PTGIR: variants seen among roughly 807,000 people sequenced by gnomAD.
PTGIR encodes prostaglandin I2 receptor.
A neutral mutation model predicts 17.6 loss-of-function variants in PTGIR; 16 were observed. The observed-to-expected ratio is 0.91, with a 90% CI of 0.61 to 1.38. PTGIR has a LOEUF of 1.38. PTGIR is among the 40% of genes most tolerant of loss of function. The probability of loss-of-function intolerance (pLI) is 0.00; values close to 1 mark genes in which losing one functional copy is unlikely to be tolerated. For missense variants in PTGIR, 532 were observed against 548.6 expected, an observed-to-expected ratio of 0.97 and a Z score of 0.30; for synonymous variants, 274 against 255.4, an observed-to-expected ratio of 1.07 and a Z score of -0.69.
At position 46,620,569 on chromosome 19, in the gene PTGIR, C is replaced by G. The variant is rs1972044135; in HGVS notation, c.*711G>C. ...AGTCCCTGGGATCCGCAGCCCCCAC[C>G]CTTCATCTGCCAGCTTCTCCATCTG... On this transcript the variant is annotated 3_prime_UTR_variant, in exon 3 of 3. Transcript: ENST00000291294. 9 of 985,470 alleles carry G rather than the reference C, an allele frequency of 9.1e-6. No individual in the cohort carries two copies. The South Asian group carries it at 3.8e-4, about 41-fold the overall frequency. The allele number at this position is 985,470 out of a possible 1,614,324, so 61.0% of individuals were successfully genotyped here.
chr19:46,615,711 T>A (rs181669698), downstream of PTGIR, among the ~76,000 whole-genome samples: 2 of 151,862 alleles, frequency 1.3e-5, no homozygotes, highest in African/African-American at 4.8e-5. Flanking sequence ...TTTCACTGTG[T>A]TAGCCAGGAT....
rs1229559754 is a variant in PTGIR, at chr19:46,621,050, G to A, written c.*230C>T. ...CCAGAGCAGGTCGGCCAGGCCACTG[G>A]TTATTTTGAGAGAACCATTCTTTCT... On this transcript the variant is annotated 3_prime_UTR_variant, in exon 3 of 3. Transcript: ENST00000291294. The surrounding 1 kb of genome is among the most constrained non-coding windows in gnomAD (Gnocchi z 4.8). 8.1e-7 allele frequency: 1 copy of A among 1,233,164 alleles called. No homozygotes were observed. The highest frequency in any genetic ancestry group is 3.9e-5 in the Admixed American group (1 of 25,360). 76.4% of individuals were successfully genotyped at this position (1,233,164 alleles called of 1,614,324 possible).
At position 46,624,255 on chromosome 19, in the gene PTGIR, TG is replaced by T. The variant is rs552005985; in HGVS notation, c.-12-19del. 8 of 1,417,498 alleles carry T rather than the reference TG, an allele frequency of 5.6e-6. No homozygotes were observed. The African/African-American group carries it at 6.0e-5, about 11-fold the overall frequency. 87.8% of individuals were successfully genotyped at this position (1,417,498 alleles called of 1,614,324 possible). A position where few individuals can be genotyped will look rare whatever the true frequency, so the allele number is the denominator to read the frequency against. ...GGTCTGGGCTGGAGGGTTCCCAAGGTGGGGGGTCAGAGGGAGCCAGGGCTAC... is the reference window on the plus strand; with the variant it reads ...GGTCTGGGCTGGAGGGTTCCCAAGGTGGGGGTCAGAGGGAGCCAGGGCTAC... On this transcript the variant is annotated intron_variant, in intron 1 of 2. Coordinates refer to ENST00000291294, the MANE Select transcript of PTGIR (RefSeq NM_000960.4).
the PTGIR span, among the ~76,000 whole-genome samples, chr19:46,612,715 A>G: frequency 6.6e-6 from 1 of 152,130 alleles, no homozygotes; most frequent in Admixed American, 6.6e-5. Context: ...CTGGCGTCCC[A>G]GTGGTGGGGT....
chr19:46,618,116 A>G (rs9710345), downstream of PTGIR, among the ~76,000 whole-genome samples: 23,018 of 146,542 alleles, frequency 0.16, 2,098 homozygotes, highest in African/African-American at 0.25. Context: ...CCGGGTTCAC[A>G]CCATTCTCCT....
At position 46,623,768 on chromosome 19, in the gene PTGIR, A is replaced by T; in HGVS notation, c.458T>A (p.Leu153Gln). 4 of 1,603,748 alleles carry T rather than the reference A, an allele frequency of 2.5e-6. No individual in the cohort carries two copies. The highest frequency in any genetic ancestry group is 3.4e-6 in the Non-Finnish European group (4 of 1,177,448). ...IYAFCVLFCA[L>Q]PLLGLGQHQQ... ...GTGTTGGCCCAGGCCCAGCAGGGGC[A>T]GCGCGCAGAAGAGGACGCAGAAGGC... The change falls in exon 2 of 3, where the codon CTG (leucine) becomes CAG (glutamine). Residue 153 changes from leucine to glutamine, a missense_variant. By Grantham distance (113) the Leu-to-Gln change is moderately radical. Coordinates refer to ENST00000291294, the MANE Select transcript of PTGIR (RefSeq NM_000960.4).
Position 46,624,147 on chromosome 19 carries a change from C to G in PTGIR, c.79G>C (p.Gly27Arg), listed in dbSNP as rs75149836. ...AGGGCCAGCCCGTTGCCCACCACAC[C>G]GGCCACGAACATCAGGGTGCTGGTG... ...PATSTLMFVA[G>R]VVGNGLALGI... Residue 27 changes from glycine (G) to arginine (R), a missense_variant, in exon 2 of 3, where the codon GGT (glycine) becomes CGT (arginine). Coordinates refer to ENST00000291294, the MANE Select transcript of PTGIR (RefSeq NM_000960.4). 1 of 1,526,178 alleles carries G rather than the reference C, an allele frequency of 6.6e-7. No individual in the cohort carries two copies. Among genetic ancestry groups the G allele is most frequent in the African/African-American group, 1.4e-5 (1 of 72,036 alleles). 94.5% of individuals were successfully genotyped at this position (1,526,178 alleles called of 1,614,324 possible).
downstream of PTGIR, among the ~76,000 whole-genome samples, chr19:46,616,326 C>CTTTTTTTTTTTTTTTTTTT (rs1021116711): frequency 5.7e-4 from 38 of 66,546 alleles, 7 homozygotes; most frequent in African/African-American, 2.7e-3. Flanking sequence ...GACAGAAATG[C>CTTTTTTTTTTTTTTTTTTT]TTTTTTTTTT....
At chr19:46,615,815 T>C (rs1971954257), downstream of PTGIR, among the ~76,000 whole-genome samples, 1 of 146,086 alleles carries the variant, frequency 6.8e-6, no homozygotes. Context: ...CAAAACATTT[T>C]TTTTTAGACA....
downstream of PTGIR, among the ~76,000 whole-genome samples, chr19:46,619,578 AG>A (rs1326368937): frequency 4.8e-3 from 529 of 110,550 alleles, 6 homozygotes; most frequent in East Asian, 0.027. Context: ...AGAGAGAGAG[AG>A]AGAGAAAGAA....
chr19:46,624,386 T>C, intron 1 of PTGIR, 149 bp from the exon 2 acceptor site: 1 of 586,708 alleles, frequency 1.7e-6, no homozygotes. Context: ...TATGCAGTCC[T>C]CTCCCCTCTG....
chr19:46,623,593 G>A lies in PTGIR; in HGVS notation c.633C>T (p.Cys211=). ...GGCGCTTCTGCTGGCGGTACATGCG[G>A]CAGAGGCTGAGGGTGACCGAGCCGT... The part of the protein sequence containing the change: ...LCNGSVTLSL[C]RMYRQQKRHQ... Residue 211 remains cysteine (C), a synonymous_variant, in exon 2 of 3, where the codon TGC becomes TGT. Coordinates refer to ENST00000291294, the MANE Select transcript of PTGIR (RefSeq NM_000960.4). 3.2e-6 allele frequency: 5 copies of A among 1,550,340 alleles called. No homozygotes were observed. The South Asian group carries it at 3.6e-5, about 11-fold the overall frequency.
In PTGIR at chr19:46,621,774, C is replaced by A; in HGVS notation, c.769-102G>T. 1 of 1,480,160 alleles carries A rather than the reference C, an allele frequency of 6.8e-7. No individual in the cohort carries two copies. Among genetic ancestry groups the A allele is most frequent in the Non-Finnish European group, 9.0e-7 (1 of 1,114,770 alleles). 91.7% of individuals were successfully genotyped at this position (1,480,160 alleles called of 1,614,324 possible). Reference sequence around the variant, plus strand: ...CTTACCAGGGATGAGGTAGGGGTGACATGTCAGAGGGGAAGGAGATAAGAT... The same window carrying A: ...CTTACCAGGGATGAGGTAGGGGTGAAATGTCAGAGGGGAAGGAGATAAGAT... On this transcript the variant is annotated intron_variant, in intron 2 of 2. Transcript: ENST00000291294. This position sits in a 1 kb window ranked among gnomAD's most constrained non-coding sequence, Gnocchi z 4.8.
At chr19:46,624,387 C>G (rs2052777934) in intron 1 of PTGIR, 150 bp from the exon 2 acceptor site, 3 of 583,156 alleles carry the variant, frequency 5.1e-6, no homozygotes, top group Non-Finnish European at 8.4e-6. Context: ...ATGCAGTCCT[C>G]TCCCCTCTGG....
At chr19:46,611,878 T>C in the PTGIR span, among the ~76,000 whole-genome samples, 2 of 152,098 alleles carry the variant, frequency 1.3e-5, no homozygotes, top group Admixed American at 6.5e-5. Flanking sequence ...TGGGCAAGGG[T>C]GGAGCAGAGA....
downstream of PTGIR, among the ~76,000 whole-genome samples, chr19:46,617,365 G>A (rs1971977629): frequency 6.6e-6 from 1 of 152,192 alleles, no homozygotes; most frequent in Non-Finnish European, 1.5e-5. Context: ...GGGGCAAAGG[G>A]TGGATGGGGG....
chr19:46,623,682 C>T lies in PTGIR; in HGVS notation c.544G>A (p.Ala182Thr), dbSNP rs754573913. 6 of 1,547,912 alleles carry T rather than the reference C, an allele frequency of 3.9e-6. No homozygotes were observed. The highest frequency in any genetic ancestry group is 2.4e-5 in the South Asian group (2 of 84,574). Residue 182 changes from alanine (A) to threonine (T), a missense_variant, in exon 2 of 3, where the codon GCC becomes ACC. Physicochemically the swap from Ala to Thr is moderately conservative, Grantham distance 58. Transcript: ENST00000291294. ...CCGGCGTAGGCCAGCGAGAAGGCGG[C>T]GCCGCCCGGCTGGGCCCAGCGCATG... ...LRMRWAQPGG[A>T]AFSLAYAGLV...
At position 46,621,621 on chromosome 19, in the gene PTGIR, C is replaced by A. The variant is rs201057027; in HGVS notation, c.820G>T (p.Asp274Tyr). The A allele has an allele frequency of 6.2e-7, 1 of 1,613,470 alleles. No individual in the cohort carries two copies. Among genetic ancestry groups the A allele is most frequent in the African/African-American group, 1.3e-5 (1 of 75,044 alleles). ...GCGTAGAAGCGGAAGGCAAGGAGGTCCCCCATCTCACTGCTGCTGTCAGGG... is the reference window on the plus strand; with the variant it reads ...GCGTAGAAGCGGAAGGCAAGGAGGTACCCCATCTCACTGCTGCTGTCAGGG... Reference protein sequence around the residue: ...VAPDSSSEMGDLLAFRFYAFN... With the variant: ...VAPDSSSEMGYLLAFRFYAFN... Residue 274 changes from aspartate (D) to tyrosine (Y), a missense_variant, in exon 3 of 3, where the codon GAC becomes TAC. Physicochemically the swap from Asp to Tyr is radical, Grantham distance 160 (BLOSUM62 -3). Transcript: ENST00000291294. The surrounding 1 kb of genome is among the most constrained non-coding windows in gnomAD (Gnocchi z 4.8).
chr19:46,620,806 ACTGTG>A lies in PTGIR; in HGVS notation c.*469_*473del. On this transcript the variant is annotated 3_prime_UTR_variant, in exon 3 of 3. Coordinates refer to ENST00000291294, the MANE Select transcript of PTGIR (RefSeq NM_000960.4). ...GGGAAGGCAGGGAGCTTTTCCAATA[ACTGTG>A]GTTTTTGTGGAGCAGAAAGGGGCTG... is the stretch of plus-strand genomic sequence containing the variant. 1 of 986,406 alleles carries A rather than the reference ACTGTG, an allele frequency of 1.0e-6. No homozygotes were observed. The highest frequency in any genetic ancestry group is 1.7e-5 in the African/African-American group (1 of 57,318). 61.1% of individuals were successfully genotyped at this position (986,406 alleles called of 1,614,324 possible).
Sources: gnomAD v4.1 joint callset for allele counts (sites outside exome capture counted in the v4.1 genomes callset) on GRCh38, gnomAD v4.1.1 for gene constraint, Gnocchi (gnomAD v3.1) non-coding constraint, MANE v1.5 for transcripts, NCBI Gene and HGNC (gene_info 2026-07-23, HGNC 2026-07-21) for gene names.